The following CNTNAP5 variants were observed in gnomAD, a reference collection of about 807,000 sequenced individuals.
The protein encoded by CNTNAP5 is contactin-associated protein-like 5.
In CNTNAP5, 72 loss-of-function variants were observed where a neutral mutation model predicts 150.2. The ratio of observed to expected loss-of-function variants is 0.48; its 90% confidence interval spans 0.40 to 0.58. CNTNAP5 has a LOEUF of 0.58. Ranked by LOEUF, CNTNAP5 falls within the 20% of genes least tolerant of loss-of-function variation. CNTNAP5 has a pLI of 0.00. For missense variants in CNTNAP5, 1,636 were observed against 1,626.2 expected (o/e 1.01, Z -0.10); for synonymous variants, 672 against 619.8 (o/e 1.08, Z -1.25).
chr2:124,681,373 C>G (rs1679065999), intron 13 of CNTNAP5, among the ~76,000 whole-genome samples: 1 of 150,096 alleles, frequency 6.7e-6, no homozygotes, highest in Non-Finnish European at 1.5e-5. Flanking sequence ...CAGATAATAT[C>G]TTGTAACAAC....
At chr2:124,797,688 G>T (rs991827347) in intron 18 of CNTNAP5, among the ~76,000 whole-genome samples, 13 of 152,174 alleles carry the variant, frequency 8.5e-5, no homozygotes, top group Admixed American at 6.5e-5. Flanking sequence ...GAACTGTCAG[G>T]TTCTCAGTTT....
intron 3 of CNTNAP5, among the ~76,000 whole-genome samples, chr2:124,323,020 T>A (rs1192952572): frequency 6.6e-6 from 1 of 152,170 alleles, no homozygotes; most frequent in African/African-American, 2.4e-5. Context: ...CAAAAAACAT[T>A]TATTTCTCAC....
At chr2:124,098,537 C>T (rs1168640612) in intron 1 of CNTNAP5, among the ~76,000 whole-genome samples, 17 of 152,074 alleles carry the variant, frequency 1.1e-4, no homozygotes, top group Admixed American at 7.9e-4. Context: ...GATGATATTA[C>T]GTGTAGTAAA....
At chr2:124,321,246 A>T (rs1321854860) in intron 3 of CNTNAP5, among the ~76,000 whole-genome samples, 1 of 152,146 alleles carries the variant, frequency 6.6e-6, no homozygotes, top group African/African-American at 2.4e-5. Flanking sequence ...GTTCAAGACC[A>T]GCCTGACCAA....
rs886359712 is a variant in CNTNAP5, at chr2:124,334,652, A to G, written c.382-82791A>G. On this transcript the variant is annotated intron_variant, in intron 3 of 23. Coordinates refer to ENST00000682447, the MANE Select transcript of CNTNAP5 (RefSeq NM_001367498.1). ...TCTCAGTCAGGAATCCAGACATCCA[A>G]ATGATCTTCTGGTCAAAAGGATTTT... is the stretch of plus-strand genomic sequence containing the variant. Among the ~76,000 whole-genome samples, 3 of 152,146 alleles carry G rather than the reference A, an allele frequency of 2.0e-5. No individual in the cohort carries two copies. In the East Asian group the frequency reaches 5.8e-4, roughly 29 times the overall value.
At chr2:124,847,228 A>T (rs1462648032) in intron 19 of CNTNAP5, among the ~76,000 whole-genome samples, 1 of 152,100 alleles carries the variant, frequency 6.6e-6, no homozygotes, top group African/African-American at 2.4e-5. Flanking sequence ...GCACAGAAAG[A>T]CCACCAGGTA....
chr2:124,867,663 G>T (rs992317972), intron 20 of CNTNAP5, among the ~76,000 whole-genome samples: 1 of 151,854 alleles, frequency 6.6e-6, no homozygotes, highest in Admixed American at 6.6e-5. Context: ...CTACCCCAAG[G>T]AACTCTCAGA....
intron 1 of CNTNAP5, among the ~76,000 whole-genome samples, chr2:124,138,715 T>C (rs1684034714): frequency 2.0e-5 from 3 of 152,142 alleles, no homozygotes; most frequent in Admixed American, 2.0e-4. Context: ...AATTTGATTA[T>C]TGACAGAAAA....
At chr2:124,086,027 T>C (rs1351825221) in intron 1 of CNTNAP5, among the ~76,000 whole-genome samples, 1 of 152,156 alleles carries the variant, frequency 6.6e-6, no homozygotes, top group Admixed American at 6.5e-5. Context: ...CTTGCTGATA[T>C]TCTGTCTCCT....
intron 13 of CNTNAP5, among the ~76,000 whole-genome samples, chr2:124,675,513 G>T (rs1417708302): frequency 6.6e-6 from 1 of 151,896 alleles, no homozygotes; most frequent in Non-Finnish European, 1.5e-5. Flanking sequence ...CTTTATTGGA[G>T]TCTATTTTTC....
intron 2 of CNTNAP5, among the ~76,000 whole-genome samples, chr2:124,229,218 C>A (rs1686549530): frequency 6.6e-6 from 1 of 152,044 alleles, no homozygotes; most frequent in Non-Finnish European, 1.5e-5. Flanking sequence ...CTATGAGCTC[C>A]CCCAACCCTA....
intron 3 of CNTNAP5, among the ~76,000 whole-genome samples, chr2:124,394,387 AAG>A (rs1206660371): frequency 5.3e-5 from 8 of 149,692 alleles, no homozygotes; most frequent in Non-Finnish European, 1.0e-4. Context: ...AAAAAAAAAA[AAG>A]AAAAGAAAAA....
chr2:124,157,161 C>T (rs553768071), intron 1 of CNTNAP5, among the ~76,000 whole-genome samples: 4 of 135,598 alleles, frequency 2.9e-5, no homozygotes, highest in South Asian at 2.4e-4. Context: ...TTCTTGGTAT[C>T]GCAGGATTTG....
chr2:124,747,788 CTTTTTTTTTTTTTTTTT>C (rs34959025), intron 14 of CNTNAP5, among the ~76,000 whole-genome samples: 2 of 42,472 alleles, frequency 4.7e-5, no homozygotes, highest in African/African-American at 1.8e-4. Flanking sequence ...CCTAACTCTT[CTTTTTTTTTTTTTTTTT>C]TTTTTTTTTT....
chr2:124,498,389 G>T (rs1458604099), intron 7 of CNTNAP5, among the ~76,000 whole-genome samples: 1 of 152,186 alleles, frequency 6.6e-6, no homozygotes, highest in Non-Finnish European at 1.5e-5. Context: ...AGTTTCTGGG[G>T]AGGGGGAGGG....
intron 13 of CNTNAP5, among the ~76,000 whole-genome samples, chr2:124,738,970 C>T (rs1345817224): frequency 1.3e-5 from 2 of 152,184 alleles, no homozygotes; most frequent in Non-Finnish European, 2.9e-5. Context: ...CAAAAACTCA[C>T]ACAATGCCCA....
chr2:124,901,562 C>T (rs934501525), intron 21 of CNTNAP5, among the ~76,000 whole-genome samples: 2 of 152,078 alleles, frequency 1.3e-5, no homozygotes, highest in Admixed American at 6.6e-5. Flanking sequence ...TAATATTCCC[C>T]AAGAGTGTCA....
rs535752246 is a variant in CNTNAP5, at chr2:124,310,039, G to A, written c.381+67646G>A. Among the ~76,000 whole-genome samples the A allele has an allele frequency of 4.6e-5, 7 of 151,152 alleles. No individual in the cohort carries two copies. In the South Asian group the frequency reaches 6.3e-4, roughly 14 times the overall value. Reference sequence around the variant, plus strand: ...TGCTCTGGGCAATTTTCATCTTCACGAGGCCTGAATCTCTTACCTTTTTTT... The same window carrying A: ...TGCTCTGGGCAATTTTCATCTTCACAAGGCCTGAATCTCTTACCTTTTTTT... On this transcript the variant is annotated intron_variant, in intron 3 of 23. Transcript: ENST00000682447.
chr2:124,609,055 T>A (rs1677314058), intron 11 of CNTNAP5, among the ~76,000 whole-genome samples: 2 of 152,222 alleles, frequency 1.3e-5, no homozygotes. Context: ...CTGTGATTGT[T>A]GCACTCTGCT....
Sources: gnomAD v4.1 joint callset for allele counts (sites outside exome capture counted in the v4.1 genomes callset) on GRCh38, gnomAD v4.1.1 for gene constraint, MANE v1.5 for transcripts, NCBI Gene and HGNC (gene_info 2026-07-23, HGNC 2026-07-21) for gene names.